BBOF1: variants seen among roughly 807,000 people sequenced by gnomAD.
BBOF1 encodes basal body orientation factor 1.
A neutral mutation model predicts 68.0 loss-of-function variants in BBOF1; 62 were observed. The observed-to-expected ratio is 0.91, with a 90% CI of 0.74 to 1.13. The LOEUF is 1.13. Ranked by LOEUF, BBOF1 falls within the 50% of genes most tolerant of loss-of-function variation. The pLI is 0.00. For missense variants in BBOF1, 534 were observed against 600.1 expected (o/e 0.89, Z 1.15); for synonymous variants, 208 against 198.8 (o/e 1.05, Z -0.39).
intron 4 of BBOF1, among the ~76,000 whole-genome samples, chr14:74,034,480 C>T: frequency 6.6e-6 from 1 of 152,182 alleles, no homozygotes; most frequent in Non-Finnish European, 1.5e-5. Context: ...TAGAAAACCT[C>T]AGGGAAAAAG....
Position 74,046,085 on chromosome 14 carries a change from A to G in BBOF1, c.602A>G (p.Lys201Arg), listed in dbSNP as rs772640645. 6.2e-6 allele frequency: 10 copies of G among 1,608,882 alleles called. No individual in the cohort carries two copies. In the South Asian group the frequency reaches 1.1e-4, roughly 18 times the overall value. The change falls in exon 6 of 12, where the codon AAG becomes AGG. Residue 201 changes from lysine (K) to arginine (R), a missense_variant. Coordinates refer to ENST00000394009, the MANE Select transcript of BBOF1 (RefSeq NM_025057.3). ...CACCGACTAGAACAAGAGGCTGAAA[A>G]GAAGATAATAATGCTAGCAGAGAGA... ...EKHRLEQEAEKKIIMLAERAH... is the reference protein window; with the variant it reads ...EKHRLEQEAERKIIMLAERAH...
rs2059987592 is a variant in BBOF1 at position 74,047,951 on chromosome 14, A to G, written c.669A>G (p.Arg223=). The change falls in exon 7 of 12, where the codon AGA becomes AGG. Residue 223 remains arginine (R), a synonymous_variant. Coordinates refer to ENST00000394009, the MANE Select transcript of BBOF1 (RefSeq NM_025057.3). ...TCAGGCAATTGAACGATGCTGGAAG[A>G]AATGTTTTTAAAGAGAATGATTATC... ...EAIVQLNDAG[R]NVFKENDYLQ... is the part of the protein sequence containing the mutation. 6.2e-7 allele frequency: 1 copy of G among 1,608,824 alleles called. No individual in the cohort carries two copies. The highest frequency in any genetic ancestry group is 8.5e-7 in the Non-Finnish European group (1 of 1,178,052).
At chr14:74,052,848 A>T (rs950250295) in intron 8 of BBOF1, among the ~76,000 whole-genome samples, 1 of 151,498 alleles carries the variant, frequency 6.6e-6, no homozygotes, top group Non-Finnish European at 1.5e-5. Context: ...AACAAAACAA[A>T]AAGTAGCCTG....
rs1014038305 is a variant in BBOF1 at position 74,065,297 on chromosome 14, T to A, written c.*598T>A. On this transcript the variant is annotated 3_prime_UTR_variant, in exon 12 of 12. Transcript: ENST00000394009. ...ACAATCTGGATGGCTTCATCCAATG[T>A]TTCTGTCTCCAGAACCACAAGAACT... The A allele has an allele frequency of 6.2e-7, 1 of 1,614,172 alleles. No individual in the cohort carries two copies. Among genetic ancestry groups the A allele is most frequent in the Non-Finnish European group, 8.5e-7 (1 of 1,180,028 alleles).
intron 1 of BBOF1, among the ~76,000 whole-genome samples, chr14:74,020,218 G>A (rs554975873): frequency 3.0e-4 from 45 of 149,362 alleles, no homozygotes; most frequent in Admixed American, 8.7e-4. Flanking sequence ...CTTCCCATTT[G>A]TTAATGTAAG....
chr14:74,043,156 G>A (rs951086220), intron 5 of BBOF1, among the ~76,000 whole-genome samples: 8 of 152,082 alleles, frequency 5.3e-5, no homozygotes, highest in African/African-American at 1.9e-4. Context: ...GCCATATAAA[G>A]GATTTCCCAG....
At chr14:74,071,191 T>C in intron 9 of BBOF1, 1 of 1,613,408 alleles carries the variant, frequency 6.2e-7, no homozygotes, top group South Asian at 1.1e-5. Flanking sequence ...ATAAGGGCAG[T>C]TACCTTCATG....
chr14:74,070,423 G>A (rs1456760807), downstream of BBOF1, among the ~76,000 whole-genome samples: 1 of 152,234 alleles, frequency 6.6e-6, no homozygotes, highest in Non-Finnish European at 1.5e-5. Flanking sequence ...AGAGGCAGAG[G>A]CAGGAAAATT....
intron 11 of BBOF1, among the ~76,000 whole-genome samples, chr14:74,063,159 GT>G (rs1336741949): frequency 6.6e-6 from 1 of 151,190 alleles, no homozygotes; most frequent in Non-Finnish European, 1.5e-5. Flanking sequence ...ATATGCACCT[GT>G]TGGCCGATGT....
intron 3 of BBOF1, among the ~76,000 whole-genome samples, chr14:74,032,247 C>G (rs900535697): frequency 7.9e-5 from 12 of 151,534 alleles, no homozygotes; most frequent in African/African-American, 2.7e-4. Flanking sequence ...CTGCCTCAGC[C>G]TCCCAAGTAG....
At position 74,075,241 on chromosome 14, in the gene BBOF1, T is replaced by TA. The variant is rs545310068; in HGVS notation, n.1380-2947dup. 1.9e-4 allele frequency among the ~76,000 whole-genome samples: 29 copies of TA among 152,194 alleles called. No individual in the cohort carries two copies. In the South Asian group the frequency reaches 5.8e-3, roughly 30 times the overall value. On this transcript the variant is annotated intron_variant and non_coding_transcript_variant, in intron 9 of 12. Coordinates refer to the BBOF1 transcript ENST00000492026. ...CCTATATTTCCAGGATAGTACTGAT[T>TA]AAAAAAAATCTTTTTGTCATTATAT...
Position 74,065,940 on chromosome 14 carries a change from T to G in BBOF1, c.*1241T>G, listed in dbSNP as rs921646959. On this transcript the variant is annotated 3_prime_UTR_variant, in exon 12 of 12. Transcript: ENST00000394009. ...CTGTATGGTTCTGTGGCAAGAGATT[T>G]CATAATTTCTACTGCACTTACATTC... 2.5e-5 allele frequency: 4 copies of G among 157,372 alleles called. No homozygotes were observed. Among genetic ancestry groups the G allele is most frequent in the African/African-American group, 9.6e-5 (4 of 41,474 alleles). 9.7% of individuals were successfully genotyped at this position (157,372 alleles called of 1,614,324 possible). A position where few individuals can be genotyped will look rare whatever the true frequency, so the allele number is the denominator to read the frequency against.
chr14:74,078,324 C>T lies in BBOF1; in HGVS notation n.1508C>T, dbSNP rs182022762. The T allele has an allele frequency of 9.8e-5, 44 of 450,584 alleles. No individual in the cohort carries two copies. The East Asian group carries it at 1.2e-3, about 12-fold the overall frequency. 27.9% of individuals were successfully genotyped at this position (450,584 alleles called of 1,614,324 possible). ...GAAAAGTGACCGAGACAGTGGTGCA[C>T]GATCAATATATGTGGACTGGATGAA... is the stretch of plus-strand genomic sequence containing the variant. On this transcript the variant is annotated non_coding_transcript_exon_variant, in exon 10 of 13. Coordinates refer to the BBOF1 transcript ENST00000492026.
intron 6 of BBOF1, among the ~76,000 whole-genome samples, chr14:74,047,407 CTTTATTTA>C (rs61067400): frequency 1.0e-3 from 146 of 145,642 alleles, no homozygotes; most frequent in Admixed American, 1.6e-3. Flanking sequence ...TCCTTTTTCA[CTTTATTTA>C]TTTATTTATT....
rs1429762884 is a variant in BBOF1, at chr14:74,029,204, A to G, written c.306A>G (p.Gln102=). The change falls in exon 3 of 12, where the codon CAA becomes CAG. Residue 102 remains glutamine (Q), a synonymous_variant. Transcript: ENST00000394009. ...KDNMIEKLKQ[Q]LNETKEKAQE... The stretch of plus-strand genomic sequence containing the variant: ...AACAGATTGAAAAACTGAAACAGCA[A>G]TTAAATGAAACAAAGGAAAAAGCCC... 3 of 1,561,710 alleles carry G rather than the reference A, an allele frequency of 1.9e-6. No homozygotes were observed. The South Asian group carries it at 3.5e-5, about 18-fold the overall frequency.
At chr14:74,022,712 T>C (rs2059331114) in intron 1 of BBOF1, among the ~76,000 whole-genome samples, 1 of 151,752 alleles carries the variant, frequency 6.6e-6, no homozygotes, top group African/African-American at 2.4e-5. Context: ...TATGTATTTC[T>C]TTTTTTTTCT....
chr14:74,022,456 G>A (rs55906134), intron 1 of BBOF1, among the ~76,000 whole-genome samples: 24 of 152,310 alleles, frequency 1.6e-4, no homozygotes, highest in Non-Finnish European at 3.2e-4. Flanking sequence ...GCTGAGGTGG[G>A]TGGATGGCTT....
chr14:74,073,531 A>C (rs1029197724), intron 9 of BBOF1, among the ~76,000 whole-genome samples: 1 of 152,246 alleles, frequency 6.6e-6, no homozygotes, highest in Admixed American at 6.5e-5. Flanking sequence ...CTTATACTAA[A>C]AAAGCAGCAA....
Position 74,049,866 on chromosome 14 carries a change from A to C in BBOF1, c.957A>C (p.Ile319=). ...TAAAACTGCAGCAACACGCAATGAT[A>C]GAGAACCAAGCAGGTCAGGTAGAAA... is the stretch of plus-strand genomic sequence containing the variant. ...EVLKLQQHAM[I]ENQAGQVEID... Residue 319 remains isoleucine (I), a synonymous_variant, in exon 8 of 12, where the codon ATA becomes ATC. Coordinates refer to ENST00000394009, the MANE Select transcript of BBOF1 (RefSeq NM_025057.3). 6.2e-7 allele frequency: 1 copy of C among 1,614,190 alleles called. No individual in the cohort carries two copies. The highest frequency in any genetic ancestry group is 8.5e-7 in the Non-Finnish European group (1 of 1,180,036).
Sources: allele counts gnomAD v4.1 joint callset (sites outside exome capture counted in the v4.1 genomes callset), GRCh38; gene constraint gnomAD v4.1.1; transcripts MANE v1.5; gene names NCBI Gene and HGNC (gene_info 2026-07-23, HGNC 2026-07-21).